Variants in PCNX2 observed in about 807,000 individuals in gnomAD.
The protein encoded by PCNX2 is pecanex-like protein 2.
PCNX2 carries 168 observed loss-of-function variants against 223.8 expected under a neutral mutation model. The ratio of observed to expected loss-of-function variants is 0.75; its 90% CI spans 0.66 to 0.85. The LOEUF (loss-of-function observed/expected upper bound fraction) is 0.85. Among genes scored for constraint, PCNX2 ranks in the 40% least tolerant of loss-of-function variants. The pLI is 0.00. For synonymous variants in PCNX2, 1,006 were observed against 1,052.6 expected, an observed-to-expected ratio of 0.96 and a Z score of 0.86; for missense variants, 2,507 against 2,675.5, an observed-to-expected ratio of 0.94 and a Z score of 1.39.
chr1:233,229,698 A>T (rs891102535), intron 9 of PCNX2, among the ~76,000 whole-genome samples: 1 of 152,188 alleles, frequency 6.6e-6, no homozygotes, highest in African/African-American at 2.4e-5. Context: ...AAAAGTCAGT[A>T]TCTAAAAAAT....
At chr1:233,199,787 T>C (rs1275935093) in intron 14 of PCNX2, among the ~76,000 whole-genome samples, 4 of 144,130 alleles carry the variant, frequency 2.8e-5, no homozygotes, top group African/African-American at 1.1e-4. Flanking sequence ...AGCATGTGTG[T>C]GCTCAAATAC....
At chr1:233,130,139 G>A (rs967286108) in intron 21 of PCNX2, among the ~76,000 whole-genome samples, 8 of 152,090 alleles carry the variant, frequency 5.3e-5, no homozygotes, top group South Asian at 2.1e-4. Flanking sequence ...GCGAGACCAC[G>A]AACCCACCAG....
chr1:233,021,516 T>C (rs908374368), intron 26 of PCNX2, among the ~76,000 whole-genome samples: 3 of 152,070 alleles, frequency 2.0e-5, no homozygotes, highest in African/African-American at 7.3e-5. Flanking sequence ...AAAAAGTCCT[T>C]GGGTCCCACC....
At chr1:233,259,419 A>C (rs1275866376) in intron 4 of PCNX2, 75 bp from the exon 5 acceptor site, 1 of 1,454,294 alleles carries the variant, frequency 6.9e-7, no homozygotes, top group Non-Finnish European at 9.1e-7. Flanking sequence ...CTAATGAATA[A>C]TAACAAAACT....
At chr1:233,234,962 G>C (rs1370112655) in intron 9 of PCNX2, among the ~76,000 whole-genome samples, 1 of 151,962 alleles carries the variant, frequency 6.6e-6, no homozygotes, top group Admixed American at 6.6e-5. Flanking sequence ...AACACAGCTA[G>C]GGCAAATGGC....
At chr1:233,124,271 T>C (rs543039634) in intron 21 of PCNX2, among the ~76,000 whole-genome samples, 1 of 152,288 alleles carries the variant, frequency 6.6e-6, no homozygotes, top group South Asian at 2.1e-4. Context: ...TGAAGAACAC[T>C]AGGCCTTATG....
In PCNX2 at chr1:233,263,174, G is replaced by A. The variant is rs113344913; in HGVS notation, c.154-11C>T. The A allele has an allele frequency of 2.2e-5, 34 of 1,541,846 alleles. No homozygotes were observed. The highest frequency in any genetic ancestry group is 3.0e-5 in the Non-Finnish European group (34 of 1,139,798). ...ATTTGGAGGAAAAGCCTGAAGAAAG[G>A]AAAAGACAGAGAAAAATCATTTGCT... is the stretch of plus-strand genomic sequence containing the variant. On this transcript the variant is annotated splice_polypyrimidine_tract_variant and intron_variant, in intron 1 of 33. Coordinates refer to ENST00000258229, the MANE Select transcript of PCNX2 (RefSeq NM_014801.4).
chr1:233,047,909 A>G (rs1291897472), intron 25 of PCNX2, among the ~76,000 whole-genome samples: 1 of 152,152 alleles, frequency 6.6e-6, no homozygotes, highest in African/African-American at 2.4e-5. Context: ...CAGAATATAC[A>G]TTCCTCATCT....
chr1:233,074,478 C>T (rs1672998236), intron 23 of PCNX2, among the ~76,000 whole-genome samples: 1 of 150,024 alleles, frequency 6.7e-6, no homozygotes, highest in African/African-American at 2.4e-5. Context: ...GCCTGTAGTC[C>T]CAGCTACTTG....
intron 21 of PCNX2, among the ~76,000 whole-genome samples, chr1:233,104,955 T>G (rs1024933308): frequency 6.6e-6 from 1 of 152,102 alleles, no homozygotes; most frequent in African/African-American, 2.4e-5. Flanking sequence ...TATTTTAAAA[T>G]GAATGACAAT....
At chr1:233,202,888 A>G (rs1436383584) in intron 13 of PCNX2, among the ~76,000 whole-genome samples, 2 of 152,174 alleles carry the variant, frequency 1.3e-5, no homozygotes, top group Non-Finnish European at 2.9e-5. Flanking sequence ...GCTGATGGAC[A>G]TTTCATCGTG....
chr1:233,290,841 G>C lies in PCNX2; in HGVS notation c.153+4485C>G, dbSNP rs371059973. On this transcript the variant is annotated intron_variant, in intron 1 of 33. Coordinates refer to ENST00000258229, the MANE Select transcript of PCNX2 (RefSeq NM_014801.4). Reference sequence around the variant, plus strand: ...AAACAGAAAGCTCCAGCCATAGAACGAAAGACAGGCTTTCTGTCCACAAGC... The same window carrying C: ...AAACAGAAAGCTCCAGCCATAGAACCAAAGACAGGCTTTCTGTCCACAAGC... The C allele has an allele frequency of 4.2e-5, 41 of 985,406 alleles. No individual in the cohort carries two copies. The African/African-American group carries it at 6.1e-4, about 15-fold the overall frequency. 61.0% of individuals were successfully genotyped at this position (985,406 alleles called of 1,614,324 possible).
intron 12 of PCNX2, among the ~76,000 whole-genome samples, chr1:233,212,083 G>A (rs1424481036): frequency 1.3e-5 from 2 of 152,166 alleles, no homozygotes; most frequent in African/African-American, 4.8e-5. Context: ...TTTGGTGGCT[G>A]TTGATGATTT....
intron 23 of PCNX2, among the ~76,000 whole-genome samples, chr1:233,066,224 A>C (rs4607815): frequency 6.6e-6 from 1 of 152,014 alleles, no homozygotes; most frequent in Non-Finnish European, 1.5e-5. Flanking sequence ...CCTGGGACCC[A>C]CCAAATGGCA....
chr1:233,177,704 C>A, intron 17 of PCNX2, 98 bp downstream of exon 17: 1 of 1,025,576 alleles, frequency 9.8e-7, no homozygotes, highest in Non-Finnish European at 1.5e-6. Flanking sequence ...CTGTCCTAGT[C>A]CTTCTCATGT....
intron 13 of PCNX2, among the ~76,000 whole-genome samples, chr1:233,204,030 T>C (rs76232495): frequency 0.012 from 1,837 of 152,356 alleles, 16 homozygotes; most frequent in Non-Finnish European, 0.017. Context: ...GGTTGAATTA[T>C]GTTCCCACAA....
Position 233,135,180 on chromosome 1 carries a change from A to C in PCNX2, c.3670T>G (p.Phe1224Val), listed in dbSNP as rs1175726898. 1 of 1,613,394 alleles carries C rather than the reference A, an allele frequency of 6.2e-7. No homozygotes were observed. ...HRRLGTHWDI[F>V]LMIIAGMKLL... The stretch of plus-strand genomic sequence containing the variant: ...TTCATGCCAGCAATGATCATCAGAA[A>C]AATGTCCCAGCTGTTGGAAACAAAA... The change falls in exon 21 of 34, where the codon TTT becomes GTT. Residue 1224 changes from phenylalanine (F) to valine (V), a missense_variant. Physicochemically the swap from Phe to Val is conservative, Grantham distance 50. Coordinates refer to ENST00000258229, the MANE Select transcript of PCNX2 (RefSeq NM_014801.4).
rs1485558509 is a variant in PCNX2 at position 233,243,134 on chromosome 1, C to T, written c.2223-6154G>A. ...GGGGCCAAGGAGAGAAATTTGTTTC[C>T]TCTCCCAGTTTCCTTCAGGAATCCC... On this transcript the variant is annotated intron_variant, in intron 8 of 33. Coordinates refer to ENST00000258229, the MANE Select transcript of PCNX2 (RefSeq NM_014801.4). Among the ~76,000 whole-genome samples, 2 of 152,204 alleles carry T rather than the reference C, an allele frequency of 1.3e-5. 1 individual carries two copies. The highest frequency in any genetic ancestry group is 2.9e-5 in the Non-Finnish European group (2 of 68,028).
chr1:233,284,923 T>G (rs1252419155), intron 1 of PCNX2: 1 of 970,886 alleles, frequency 1.0e-6, no homozygotes, highest in Admixed American at 6.2e-5. Flanking sequence ...ATGGGGGGGA[T>G]GATAGCAAGT....
Sources: allele counts gnomAD v4.1 joint callset (sites outside exome capture counted in the v4.1 genomes callset), GRCh38; gene constraint gnomAD v4.1.1; transcripts MANE v1.5; gene names NCBI Gene and HGNC (gene_info 2026-07-23, HGNC 2026-07-21).